SMG6: variants seen among roughly 807,000 people sequenced by gnomAD.
SMG6 encodes the protein telomerase-binding protein EST1A.
In SMG6, 66 loss-of-function variants were observed where a neutral mutation model predicts 142.2. The ratio of observed to expected loss-of-function variants is 0.46; its 90% CI spans 0.38 to 0.57. The LOEUF is 0.57. Ranked by LOEUF, SMG6 falls within the 20% of genes least tolerant of loss-of-function variation. SMG6 has a pLI of 0.00. For missense variants in SMG6, 1,793 were observed against 1,832.0 expected, an observed-to-expected ratio of 0.98 and a Z score of 0.39; for synonymous variants, 779 against 702.4, an observed-to-expected ratio of 1.11 and a Z score of -1.72.
chr17:2,077,704 A>G (rs1016735253), intron 15 of SMG6, among the ~76,000 whole-genome samples: 1 of 152,136 alleles, frequency 6.6e-6, no homozygotes, highest in Admixed American at 6.6e-5. Context: ...GGGTTTTGCT[A>G]TGTTGCAGTG....
chr17:2,077,088 G>A (rs1020456465), intron 15 of SMG6, among the ~76,000 whole-genome samples: 5 of 152,146 alleles, frequency 3.3e-5, no homozygotes, highest in East Asian at 1.9e-4. Context: ...CGTTTTGTAC[G>A]GACGCTCATT....
chr17:2,140,394 G>A (rs576374691), intron 13 of SMG6, among the ~76,000 whole-genome samples: 16 of 152,284 alleles, frequency 1.1e-4, no homozygotes, highest in African/African-American at 2.6e-4. Flanking sequence ...TATCCAGGCC[G>A]GGTACGATGG....
At chr17:2,287,077 G>A (rs1369360981) in intron 6 of SMG6, among the ~76,000 whole-genome samples, 1 of 151,956 alleles carries the variant, frequency 6.6e-6, no homozygotes, top group Non-Finnish European at 1.5e-5. Flanking sequence ...GACTACAGGC[G>A]CCTGCCACTG....
chr17:2,288,957 T>C (rs1000953209), intron 6 of SMG6, among the ~76,000 whole-genome samples: 1 of 151,350 alleles, frequency 6.6e-6, no homozygotes, highest in Admixed American at 6.6e-5. Context: ...AGGGCGCCTG[T>C]AGTCCCAGCT....
intron 13 of SMG6, among the ~76,000 whole-genome samples, chr17:2,158,404 T>C (rs1220194368): frequency 6.6e-6 from 1 of 152,234 alleles, no homozygotes; most frequent in Non-Finnish European, 1.5e-5. Flanking sequence ...TGAGGTTTTA[T>C]ATTATTTCAT....
intron 10 of SMG6, among the ~76,000 whole-genome samples, chr17:2,194,524 G>A (rs919329307): frequency 6.6e-6 from 1 of 151,936 alleles, no homozygotes; most frequent in Non-Finnish European, 1.5e-5. Flanking sequence ...ATGAAAAGCA[G>A]TGCACAGATA....
chr17:2,127,892 AG>A (rs1337795940), intron 13 of SMG6: 2 of 565,774 alleles, frequency 3.5e-6, no homozygotes, highest in East Asian at 9.2e-5. Flanking sequence ...ATATCTTTGT[AG>A]ACGATGTCCA....
At position 2,111,431 on chromosome 17, in the gene SMG6, G is replaced by T. The variant is rs140369826; in HGVS notation, c.3358-25530C>A. ...TATCTCGCTCAAAGAGGTCCTCTGA[G>T]ATCACAGGATCTCGCTGTTGCCCAG... On this transcript the variant is annotated intron_variant, in intron 13 of 18. Coordinates refer to ENST00000263073, the MANE Select transcript of SMG6 (RefSeq NM_017575.5). Among the ~76,000 whole-genome samples, 6 of 152,268 alleles carry T rather than the reference G, an allele frequency of 3.9e-5. No individual in the cohort carries two copies. In the East Asian group the frequency reaches 9.7e-4, roughly 24 times the overall value.
chr17:2,142,986 ATTAG>A (rs2151578687), intron 13 of SMG6, among the ~76,000 whole-genome samples: 1 of 152,196 alleles, frequency 6.6e-6, no homozygotes, highest in South Asian at 2.1e-4. Flanking sequence ...GTTCAACATC[ATTAG>A]TTATTGAGAA....
intron 13 of SMG6, among the ~76,000 whole-genome samples, chr17:2,163,601 T>G (rs1276741828): frequency 2.6e-5 from 4 of 152,218 alleles, no homozygotes; most frequent in Admixed American, 6.6e-5. Context: ...TAATTTATGC[T>G]TTTTGGGGAT....
At position 2,283,830 on chromosome 17, in the gene SMG6, C is replaced by G. The variant is rs963193331; in HGVS notation, c.2338-95G>C. On this transcript the variant is annotated intron_variant, in intron 6 of 18. Transcript: ENST00000263073. Reference sequence around the variant, plus strand: ...CAGGAAACCCTACTATCTCTCCCAGCCTGTCTCCCAAACTGAGAGGAATCC... The same window carrying G: ...CAGGAAACCCTACTATCTCTCCCAGGCTGTCTCCCAAACTGAGAGGAATCC... 6.8e-6 allele frequency: 6 copies of G among 882,050 alleles called. No homozygotes were observed. In the South Asian group the frequency reaches 7.3e-5, roughly 11 times the overall value. 54.6% of individuals were successfully genotyped at this position (882,050 alleles called of 1,614,324 possible). A position where few individuals can be genotyped will look rare whatever the true frequency, so the allele number is the denominator to read the frequency against.
At position 2,068,662 on chromosome 17, in the gene SMG6, C is replaced by T. The variant is rs1223088398; in HGVS notation, c.3835+116G>A. 1.0e-5 allele frequency: 11 copies of T among 1,084,644 alleles called. No individual in the cohort carries two copies. Among genetic ancestry groups the T allele is most frequent in the South Asian group, 3.2e-5 (2 of 63,198 alleles). The allele number at this position is 1,084,644 out of a possible 1,614,324, so 67.2% of individuals were successfully genotyped here. A position where few individuals can be genotyped will look rare whatever the true frequency, so the allele number is the denominator to read the frequency against. On this transcript the variant is annotated intron_variant, in intron 16 of 18. Transcript: ENST00000263073. This position sits in a 1 kb window ranked among gnomAD's most constrained non-coding sequence, Gnocchi z 6.7. ...ACGCGTTCCCTACTCCCCTGCAAAT[C>T]CCATCTTACACACGCACAGCAGGGC...
At chr17:2,295,860 C>T (rs1457261652) in intron 4 of SMG6, among the ~76,000 whole-genome samples, 1 of 152,196 alleles carries the variant, frequency 6.6e-6, no homozygotes, top group African/African-American at 2.4e-5. Flanking sequence ...CTCCCCTGGA[C>T]TACCAGCTGG....
In SMG6 at chr17:2,135,996, ATGTGTGTGTGTG is replaced by A. The variant is rs545225787; in HGVS notation, c.3357+36650_3357+36661del. Among the ~76,000 whole-genome samples, 108 of 141,208 alleles carry A rather than the reference ATGTGTGTGTGTG, an allele frequency of 7.6e-4. 1 individual carries two copies. The East Asian group carries it at 7.9e-3, about 10-fold the overall frequency. 92.6% of individuals were successfully genotyped at this position (141,208 alleles called of 152,430 possible). A position where few individuals can be genotyped will look rare whatever the true frequency, so the allele number is the denominator to read the frequency against. On this transcript the variant is annotated intron_variant, in intron 13 of 18. Transcript: ENST00000263073. Reference sequence around the variant, plus strand: ...CCACACCTAGCCTATATATATATTTATGTGTGTGTGTGTGTGTGTGTGTGTGTGTGTGTGTGT... The same window carrying A: ...CCACACCTAGCCTATATATATATTTATGTGTGTGTGTGTGTGTGTGTGTGT...
rs548775333 is a variant in SMG6, at chr17:2,087,766, C to T, written c.3358-1865G>A. On this transcript the variant is annotated intron_variant, in intron 13 of 18. Coordinates refer to ENST00000263073, the MANE Select transcript of SMG6 (RefSeq NM_017575.5). ...GAACAGAGCCGAAATGAGTAATAGC[C>T]TGGCAGGCAGCACGCACAGTGGCCT... The T allele has an allele frequency of 1.1e-5, 11 of 985,978 alleles. No homozygotes were observed. The East Asian group carries it at 1.1e-3, about 102-fold the overall frequency. 61.1% of individuals were successfully genotyped at this position (985,978 alleles called of 1,614,324 possible).
chr17:2,063,785 A>C (rs1352061679), intron 18 of SMG6, among the ~76,000 whole-genome samples: 2 of 152,064 alleles, frequency 1.3e-5, no homozygotes, highest in Non-Finnish European at 2.9e-5. Flanking sequence ...CGACAGGAGG[A>C]AGGAGAGTGT....
At chr17:2,221,050 G>C (rs1465980444) in intron 10 of SMG6, among the ~76,000 whole-genome samples, 2 of 152,216 alleles carry the variant, frequency 1.3e-5, no homozygotes, top group African/African-American at 4.8e-5. Context: ...AAAGGACAGA[G>C]AGTAAAAGAT....
At chr17:2,210,745 A>C (rs180678775) in intron 10 of SMG6, among the ~76,000 whole-genome samples, 2 of 151,496 alleles carry the variant, frequency 1.3e-5, no homozygotes, top group East Asian at 1.9e-4. Flanking sequence ...TGCAGCCAAC[A>C]AAGGCAAAAG....
intron 10 of SMG6, among the ~76,000 whole-genome samples, chr17:2,219,662 GCCTGTAGT>G (rs949088700): frequency 2.6e-5 from 4 of 151,844 alleles, no homozygotes; most frequent in African/African-American, 9.7e-5. Context: ...GGTAGCACGT[GCCTGTAGT>G]CCCATCTACC....
Sources: allele counts gnomAD v4.1 joint callset (sites outside exome capture counted in the v4.1 genomes callset), GRCh38; gene constraint gnomAD v4.1.1; non-coding constraint Gnocchi (gnomAD v3.1); transcripts MANE v1.5; gene names NCBI Gene and HGNC (gene_info 2026-07-23, HGNC 2026-07-21).